NAV1: variants seen among roughly 807,000 people sequenced by gnomAD.
The protein encoded by NAV1 is pore membrane and/or filament interacting like protein 3.
A neutral mutation model predicts 175.2 loss-of-function variants in NAV1; 18 were observed. The observed-to-expected ratio is 0.10, with a 90% CI of 0.07 to 0.15. NAV1 has a LOEUF of 0.15. Among genes scored for constraint, NAV1 ranks in the 10% least tolerant of loss-of-function variants. The pLI is 1.00. For synonymous variants in NAV1, 897 were observed against 978.7 expected, an observed-to-expected ratio of 0.92 and a Z score of 1.56; for missense variants, 1,731 against 2,436.6, an observed-to-expected ratio of 0.71 and a Z score of 6.10.
intron 28 of NAV1, among the ~76,000 whole-genome samples, chr1:201,815,760 C>T (rs769945189): frequency 1.3e-5 from 2 of 152,086 alleles, no homozygotes; most frequent in African/African-American, 4.8e-5. Flanking sequence ...ATTTTTGAGA[C>T]GGAGTTTCAC....
chr1:201,762,593 A>G lies in NAV1; in HGVS notation c.1227-17828A>G, dbSNP rs1056580925. Reference sequence around the variant, plus strand: ...GGATTCATTTGTTTACATACTATCTATGGCTGCTTTTGTGCTACAATGGCA... The same window carrying G: ...GGATTCATTTGTTTACATACTATCTGTGGCTGCTTTTGTGCTACAATGGCA... On this transcript the variant is annotated intron_variant, in intron 3 of 29. Transcript: ENST00000367296. 5.9e-5 allele frequency among the ~76,000 whole-genome samples: 9 copies of G among 152,350 alleles called. No homozygotes were observed. The East Asian group carries it at 1.2e-3, about 20-fold the overall frequency.
chr1:201,604,051 A>C (rs1360795645), intron 2 of NAV1, among the ~76,000 whole-genome samples: 1 of 152,060 alleles, frequency 6.6e-6, no homozygotes, highest in East Asian at 1.9e-4. Flanking sequence ...ACATGCTGCT[A>C]TTCTCATTTT....
chr1:201,771,816 G>T (rs1675609497), intron 3 of NAV1, among the ~76,000 whole-genome samples: 1 of 152,184 alleles, frequency 6.6e-6, no homozygotes, highest in Admixed American at 6.5e-5. Context: ...ATATGTTTAA[G>T]GATCCAGTAG....
chr1:201,659,187 C>T (rs1669516363), intron 1 of NAV1, among the ~76,000 whole-genome samples: 1 of 152,244 alleles, frequency 6.6e-6, no homozygotes, highest in Admixed American at 6.5e-5. Context: ...AGCTTTTCAA[C>T]TGCACGCTAT....
chr1:201,612,129 T>C (rs1667865927), intron 2 of NAV1, among the ~76,000 whole-genome samples: 1 of 152,092 alleles, frequency 6.6e-6, no homozygotes, highest in South Asian at 2.1e-4. Flanking sequence ...TTCAGGTTGC[T>C]ATAACAAAAT....
chr1:201,809,865 CCT>C, intron 22 of NAV1, 79 bp from the exon 27 acceptor site: 2 of 1,329,312 alleles, frequency 1.5e-6, no homozygotes, highest in Admixed American at 3.9e-5. Flanking sequence ...ATTTCTGTTT[CCT>C]CTGATAGACA....
chr1:201,712,890 C>T (rs1191938288), exon 2 of NAV1: 3 of 1,613,924 alleles, frequency 1.9e-6, no homozygotes, highest in East Asian at 4.5e-5. Context: ...AGACCATGTC[C>T]AGCCTGCGAG....
At chr1:201,777,900 C>T (rs1315104202) in intron 3 of NAV1, among the ~76,000 whole-genome samples, 1 of 152,016 alleles carries the variant, frequency 6.6e-6, no homozygotes, top group Non-Finnish European at 1.5e-5. Flanking sequence ...ATGCCACTGC[C>T]TTCCAGCCTG....
At position 201,629,516 on chromosome 1, in the gene NAV1, T is replaced by G; in HGVS notation, c.4+9T>G. 2 of 1,301,302 alleles carry G rather than the reference T, an allele frequency of 1.5e-6. No homozygotes were observed. Among genetic ancestry groups the G allele is most frequent in the Non-Finnish European group, 2.0e-6 (2 of 987,394 alleles). The allele number at this position is 1,301,302 out of a possible 1,614,324, so 80.6% of individuals were successfully genotyped here. A position where few individuals can be genotyped will look rare whatever the true frequency, so the allele number is the denominator to read the frequency against. ...GAGCTTCTCCTGCATGGGTAAGTGATCTGGGGGAGACTTCCTCCTAGGGTC... is the reference window on the plus strand; with the variant it reads ...GAGCTTCTCCTGCATGGGTAAGTGAGCTGGGGGAGACTTCCTCCTAGGGTC... On this transcript the variant is annotated intron_variant, in intron 2 of 29. Coordinates refer to the NAV1 transcript ENST00000367302.
At chr1:201,594,963 C>A (rs1041651946) in intron 2 of NAV1, among the ~76,000 whole-genome samples, 5 of 152,232 alleles carry the variant, frequency 3.3e-5, no homozygotes, top group Non-Finnish European at 7.3e-5. Flanking sequence ...TAGGCAAGGG[C>A]AAGGTGCTTT....
chr1:201,773,843 C>T (rs1461121260), intron 3 of NAV1, among the ~76,000 whole-genome samples: 1 of 152,178 alleles, frequency 6.6e-6, no homozygotes, highest in Non-Finnish European at 1.5e-5. Context: ...TATCCGTTGA[C>T]AAGGTTCTTC....
chr1:201,725,012 G>A (rs1672541851), intron 3 of NAV1: 1 of 152,316 alleles, frequency 6.6e-6, no homozygotes, highest in Non-Finnish European at 1.5e-5. Context: ...AAGCCTTAAA[G>A]AGACACTTCC....
intron 1 of NAV1, among the ~76,000 whole-genome samples, chr1:201,549,943 G>A (rs1283853361): frequency 2.7e-5 from 4 of 147,416 alleles, no homozygotes; most frequent in Admixed American, 1.4e-4. Flanking sequence ...CCCAGGAGGC[G>A]GAGCTTACAG....
intron 29 of NAV1, among the ~76,000 whole-genome samples, chr1:201,818,705 G>A (rs2494112): frequency 0.43 from 65,688 of 152,012 alleles, 15,617 homozygotes; most frequent in Non-Finnish European, 0.54. Flanking sequence ...TTTATACTCC[G>A]CTGGTGGGAG....
chr1:201,627,361 C>T (rs1668362500), intron 1 of NAV1, among the ~76,000 whole-genome samples: 1 of 152,102 alleles, frequency 6.6e-6, no homozygotes, highest in South Asian at 2.1e-4. Flanking sequence ...CAACATCCAC[C>T]TCCCTGGTTC....
At chr1:201,623,704 G>A (rs370822891) in intron 1 of NAV1, 98 bp downstream of exon 3, 2 of 977,706 alleles carry the variant, frequency 2.0e-6, no homozygotes, top group East Asian at 1.1e-4. Flanking sequence ...TCAGTGGCTG[G>A]TAAAGACCAG....
chr1:201,808,066 C>T lies in NAV1; in HGVS notation c.3762C>T (p.Pro1254=). 6.2e-7 allele frequency: 1 copy of T among 1,614,226 alleles called. No individual in the cohort carries two copies. Among genetic ancestry groups the T allele is most frequent in the South Asian group, 1.1e-5 (1 of 91,092 alleles). Residue 1254 remains proline (P), a synonymous_variant, in exon 18 of 30, where the codon CCC becomes CCT. Transcript: ENST00000367296. This position sits in a 1 kb window ranked among gnomAD's most constrained non-coding sequence, Gnocchi z 5.5. The stretch of plus-strand genomic sequence containing the variant: ...CCGACTCTTCAGCCCCCTCATCCCC[C>T]AAACTACAGCATGGTTCTACAGAGA...
exon 21 of NAV1, chr1:201,809,180 T>C: frequency 1.2e-6 from 2 of 1,613,958 alleles, no homozygotes; most frequent in Non-Finnish European, 8.5e-7. Flanking sequence ...CACCCATGGA[T>C]GGCATCAGTA....
Position 201,539,930 on chromosome 1 carries a change from C to T in NAV1, c.-144+588C>T, listed in dbSNP as rs918554042. On this transcript the variant is annotated intron_variant, in intron 1 of 33. Coordinates refer to the NAV1 transcript ENST00000685211. This position sits in a 1 kb window ranked among gnomAD's most constrained non-coding sequence, Gnocchi z 5.6. ...CCCGGAGGCCGTCCTCTCTGGCGCC[C>T]GCCCAGTGCGTCTGGGAGCGGAGAA... Among the ~76,000 whole-genome samples the T allele has an allele frequency of 6.6e-6, 1 of 152,310 alleles. No homozygotes were observed. The highest frequency in any genetic ancestry group is 2.4e-5 in the African/African-American group (1 of 41,588).
Sources: gnomAD v4.1 joint callset for allele counts (sites outside exome capture counted in the v4.1 genomes callset) on GRCh38, gnomAD v4.1.1 for gene constraint, Gnocchi (gnomAD v3.1) non-coding constraint, MANE v1.5 for transcripts, NCBI Gene and HGNC (gene_info 2026-07-23, HGNC 2026-07-21) for gene names.